Variants in P2RX7 observed in about 807,000 individuals in gnomAD.
P2RX7 encodes purinergic receptor P2X 7.
In P2RX7, 62 loss-of-function variants were observed where a neutral mutation model predicts 71.6. That is an observed-to-expected ratio of 0.87 (90% CI 0.71 to 1.07). P2RX7 has a LOEUF of 1.07. P2RX7 is among the 50% of genes least tolerant of loss of function. The pLI is 0.00. For synonymous variants in P2RX7, 299 were observed against 283.3 expected, an observed-to-expected ratio of 1.06 and a Z score of -0.56; for missense variants, 686 against 748.5, an observed-to-expected ratio of 0.92 and a Z score of 0.97.
chr12:121,140,013 T>C (rs1243503970), intron 1 of P2RX7, among the ~76,000 whole-genome samples: 1 of 152,172 alleles, frequency 6.6e-6, no homozygotes, highest in Non-Finnish European at 1.5e-5. Context: ...ATTACAGGTG[T>C]GAGCCACTGC....
chr12:121,150,172 TC>T (rs1054383745), intron 1 of P2RX7, among the ~76,000 whole-genome samples: 5 of 152,036 alleles, frequency 3.3e-5, no homozygotes, highest in African/African-American at 1.2e-4. Flanking sequence ...GATCACAGTA[TC>T]CCCCCCGACA....
intron 1 of P2RX7, among the ~76,000 whole-genome samples, chr12:121,138,304 T>A (rs1242451894): frequency 6.6e-6 from 1 of 152,276 alleles, no homozygotes; most frequent in Non-Finnish European, 1.5e-5. Flanking sequence ...CAACTCTGTA[T>A]GTACAAGATA....
Position 121,154,933 on chromosome 12 carries a change from G to A in P2RX7, c.274G>A (p.Asp92Asn), listed in dbSNP as rs199707157. ...GGTGCACAGTGTCTTTGACACCGCA[G>A]ACTACACCTTCCCTTTGCAGGTGAG... ...KLVHSVFDTADYTFPLQGNSF... is the reference protein window; with the variant it reads ...KLVHSVFDTANYTFPLQGNSF... The change falls in exon 2 of 13, where the codon GAC (aspartate) becomes AAC (asparagine). Residue 92 changes from aspartate to asparagine, a missense_variant. Transcript: ENST00000328963. The surrounding 1 kb of genome is among the most constrained non-coding windows in gnomAD (Gnocchi z 4.2). The A allele has an allele frequency of 7.4e-6, 12 of 1,613,238 alleles. No homozygotes were observed. The highest frequency in any genetic ancestry group is 8.5e-6 in the Non-Finnish European group (10 of 1,179,736).
chr12:121,169,235 G>A (rs1881702635), intron 8 of P2RX7, among the ~76,000 whole-genome samples: 1 of 152,098 alleles, frequency 6.6e-6, no homozygotes, highest in Non-Finnish European at 1.5e-5. Context: ...CTAAAGCGTT[G>A]GGATTGCAGG....
chr12:121,133,080 T>A lies in P2RX7; in HGVS notation c.110T>A (p.Ile37Asn). The change falls in exon 1 of 13, where the codon ATC (isoleucine) becomes AAC (asparagine). Residue 37 changes from isoleucine (I) to asparagine (N), a missense_variant. By Grantham distance (149) the Ile-to-Asn change is moderately radical (BLOSUM62 -3). Coordinates refer to ENST00000328963, the MANE Select transcript of P2RX7 (RefSeq NM_002562.6). ...GTIKWFFHVI[I>N]FSYVCFALVS... ...ATTAAGTGGTTCTTCCACGTGATCA[T>A]CTTTTCCTACGTTTGGTAAGTGGGA... The A allele has an allele frequency of 6.2e-7, 1 of 1,614,212 alleles. No homozygotes were observed. Among genetic ancestry groups the A allele is most frequent in the Non-Finnish European group, 8.5e-7 (1 of 1,180,024 alleles).
In P2RX7 at chr12:121,146,776, C is replaced by T. The variant is rs145210690; in HGVS notation, c.126-8009C>T. On this transcript the variant is annotated intron_variant, in intron 1 of 12. Coordinates refer to ENST00000328963, the MANE Select transcript of P2RX7 (RefSeq NM_002562.6). ...GCAGGGATTCCTGGCAACATGAATGCGGGATGGACAGACAGTGAGCACAGT... is the reference window on the plus strand; with the variant it reads ...GCAGGGATTCCTGGCAACATGAATGTGGGATGGACAGACAGTGAGCACAGT... Among the ~76,000 whole-genome samples the T allele has an allele frequency of 1.4e-4, 22 of 152,278 alleles. No homozygotes were observed. The East Asian group carries it at 2.5e-3, about 17-fold the overall frequency.
At chr12:121,177,969 CG>C (rs1281491360) in intron 11 of P2RX7, among the ~76,000 whole-genome samples, 1 of 152,090 alleles carries the variant, frequency 6.6e-6, no homozygotes, top group Non-Finnish European at 1.5e-5. Context: ...TCCACCCACT[CG>C]GCCTCCCACA....
At chr12:121,174,016 G>GA (rs1337234338) in intron 8 of P2RX7, among the ~76,000 whole-genome samples, 1 of 145,816 alleles carries the variant, frequency 6.9e-6, no homozygotes, top group South Asian at 2.2e-4. Context: ...AAACATTTTT[G>GA]AAAAAAACTT....
At chr12:121,168,078 TC>T (rs1330577852) in intron 8 of P2RX7, among the ~76,000 whole-genome samples, 1 of 152,064 alleles carries the variant, frequency 6.6e-6, no homozygotes, top group African/African-American at 2.4e-5. Context: ...GGAATTTTCC[TC>T]ATCTGTACCA....
chr12:121,168,516 G>A (rs1718131), intron 8 of P2RX7, among the ~76,000 whole-genome samples: 59,030 of 151,828 alleles, frequency 0.39, 11,921 homozygotes, highest in African/African-American at 0.45. Flanking sequence ...TGATCTTCCC[G>A]CCTTGGCTTC....
At chr12:121,175,588 C>A in intron 9 of P2RX7, 110 bp downstream of exon 9, 1 of 667,064 alleles carries the variant, frequency 1.5e-6, no homozygotes. Context: ...TCAGCTAGCA[C>A]TGGGCATTTC....
intron 1 of P2RX7, among the ~76,000 whole-genome samples, chr12:121,151,942 T>G (rs900897182): frequency 6.6e-6 from 1 of 152,172 alleles, no homozygotes; most frequent in African/African-American, 2.4e-5. Flanking sequence ...ACCCACCTAC[T>G]TGGGAGGCTG....
Position 121,187,685 on chromosome 12 carries a change from T to C in P2RX7, c.*2883T>C, listed in dbSNP as rs1362644601. 3 of 152,208 alleles carry C rather than the reference T, an allele frequency of 2.0e-5. No homozygotes were observed. Among genetic ancestry groups the C allele is most frequent in the African/African-American group, 7.2e-5 (3 of 41,460 alleles). The allele number at this position is 152,208 out of a possible 1,614,324, so 9.4% of individuals were successfully genotyped here. On this transcript the variant is annotated 3_prime_UTR_variant, in exon 13 of 13. Coordinates refer to ENST00000328963, the MANE Select transcript of P2RX7 (RefSeq NM_002562.6). ...TGTGTCACTTCAACTGTGTGTAATA[T>C]GTCAGACACGTCCTACAATAACAGG...
At chr12:121,176,412 A>C (rs1883130498) in intron 9 of P2RX7, among the ~76,000 whole-genome samples, 1 of 152,364 alleles carries the variant, frequency 6.6e-6, no homozygotes, top group Non-Finnish European at 1.5e-5. Flanking sequence ...CAGGACTAGA[A>C]GCAATAAGAT....
In P2RX7 at chr12:121,142,834, A is replaced by G. The variant is rs201461268; in HGVS notation, c.125+9739A>G. Among the ~76,000 whole-genome samples, 5 of 152,222 alleles carry G rather than the reference A, an allele frequency of 3.3e-5. No individual in the cohort carries two copies. The East Asian group carries it at 9.7e-4, about 29-fold the overall frequency. On this transcript the variant is annotated intron_variant, in intron 1 of 12. Coordinates refer to ENST00000328963, the MANE Select transcript of P2RX7 (RefSeq NM_002562.6). ...CCAGGTGCAGTGGCTCATGCCTGTA[A>G]TCTCAGCACTTTGGGAGGCTGAGAC...
Position 121,184,298 on chromosome 12 carries a change from T to A in P2RX7, c.1291-7T>A, listed in dbSNP as rs775016514. The A allele has an allele frequency of 1.1e-5, 17 of 1,578,956 alleles. No homozygotes were observed. The highest frequency in any genetic ancestry group is 5.6e-5 in the Admixed American group (3 of 53,496). ...TGGCTAATAGGTTTGGAAACTTGCT[T>A]TTTCAGAGACCTGCGATGGACTTCA... On this transcript the variant is annotated splice_polypyrimidine_tract_variant and splice_region_variant and intron_variant, in intron 12 of 12. Coordinates refer to ENST00000328963, the MANE Select transcript of P2RX7 (RefSeq NM_002562.6).
chr12:121,143,210 T>G (rs1294513970), intron 1 of P2RX7, among the ~76,000 whole-genome samples: 1 of 143,254 alleles, frequency 7.0e-6, no homozygotes, highest in African/African-American at 2.6e-5. Context: ...ATGGTGAAAG[T>G]CTCTCTCTAC....
intron 8 of P2RX7, among the ~76,000 whole-genome samples, chr12:121,168,260 G>GTTTTCTTTTC (rs372601410): frequency 0.01 from 1,515 of 147,428 alleles, 17 homozygotes; most frequent in African/African-American, 0.03. Context: ...TTCAGGCAGT[G>GTTTTCTTTTC]TTTTCTTTTC....
At position 121,187,372 on chromosome 12, in the gene P2RX7, T is replaced by A. The variant is rs1208244201; in HGVS notation, c.*2570T>A. On this transcript the variant is annotated 3_prime_UTR_variant, in exon 13 of 13. Coordinates refer to ENST00000328963, the MANE Select transcript of P2RX7 (RefSeq NM_002562.6). ...CCAAGTTAATTATGCCAGATTGAAC[T>A]TTGATTTTTACTACCTTTTCAAAGA... 2.0e-5 allele frequency: 3 copies of A among 152,240 alleles called. No homozygotes were observed. Among genetic ancestry groups the A allele is most frequent in the Admixed American group, 2.0e-4 (3 of 15,282 alleles). 9.4% of individuals were successfully genotyped at this position (152,240 alleles called of 1,614,324 possible). A position where few individuals can be genotyped will look rare whatever the true frequency, so the allele number is the denominator to read the frequency against.
Sources: allele counts gnomAD v4.1 joint callset (sites outside exome capture counted in the v4.1 genomes callset), GRCh38; gene constraint gnomAD v4.1.1; non-coding constraint Gnocchi (gnomAD v3.1); transcripts MANE v1.5; gene names NCBI Gene and HGNC (gene_info 2026-07-23, HGNC 2026-07-21).